GLP2R: variants seen among roughly 807,000 people sequenced by gnomAD.
The protein encoded by GLP2R is glucagon like peptide 2 receptor.
Under a neutral mutation model 68.2 loss-of-function variants are expected in GLP2R, and 59 were observed. The observed-to-expected ratio is 0.87, with a 90% CI of 0.70 to 1.07. The LOEUF (loss-of-function observed/expected upper bound fraction) is 1.07, where lower values mean the gene tolerates loss of function less well. Ranked by LOEUF, GLP2R falls within the 50% of genes least tolerant of loss-of-function variation. GLP2R has a pLI of 0.00. For synonymous variants in GLP2R, 270 were observed against 265.4 expected, an observed-to-expected ratio of 1.02 and a Z score of -0.17; for missense variants, 548 against 677.4, an observed-to-expected ratio of 0.81 and a Z score of 2.12.
rs768836681 is a variant in GLP2R at position 9,889,320 on chromosome 17, A to G, written c.1327-50A>G. ...CAATTAATATTTGCTAAATGGACACATGGCTAAATGACTCCAAGACAGTAA... is the reference window on the plus strand; with the variant it reads ...CAATTAATATTTGCTAAATGGACACGTGGCTAAATGACTCCAAGACAGTAA... On this transcript the variant is annotated intron_variant, in intron 12 of 12. Transcript: ENST00000262441. 4.7e-6 allele frequency: 6 copies of G among 1,290,060 alleles called. No homozygotes were observed. The East Asian group carries it at 1.2e-4, about 25-fold the overall frequency. The allele number at this position is 1,290,060 out of a possible 1,614,324, so 79.9% of individuals were successfully genotyped here.
intron 1 of GLP2R, among the ~76,000 whole-genome samples, chr17:9,829,413 A>G (rs1053797510): frequency 1.3e-5 from 2 of 152,000 alleles, no homozygotes; most frequent in African/African-American, 4.8e-5. Context: ...ATTCAAATTC[A>G]AAGAATTTCT....
rs140091731 is a variant in GLP2R, at chr17:9,837,723, T to C, written c.382+1248T>C. ...GCCCAACCTCTTGGTTATTTTATTC[T>C]GAAAGAGGAGAGAGGTGATTACTGG... On this transcript the variant is annotated intron_variant, in intron 3 of 12. Transcript: ENST00000262441. 5.6e-3 allele frequency among the ~76,000 whole-genome samples: 815 copies of C among 144,424 alleles called. 7 individuals are homozygous for C. Among genetic ancestry groups the C allele is most frequent in the African/African-American group, 0.021 (753 of 35,282 alleles). The allele number at this position is 144,424 out of a possible 152,430, so 94.7% of individuals were successfully genotyped here.
chr17:9,839,138 T>C (rs2066760624), intron 3 of GLP2R, among the ~76,000 whole-genome samples: 1 of 152,110 alleles, frequency 6.6e-6, no homozygotes, highest in Non-Finnish European at 1.5e-5. Flanking sequence ...GCACAAGTTG[T>C]AGTCTGGGAG....
At chr17:9,847,942 G>A (rs1294509037) in intron 4 of GLP2R, among the ~76,000 whole-genome samples, 2 of 152,146 alleles carry the variant, frequency 1.3e-5, no homozygotes, top group African/African-American at 4.8e-5. Flanking sequence ...TTGAGGCCAG[G>A]AGTTTGAGAC....
intron 6 of GLP2R, among the ~76,000 whole-genome samples, chr17:9,858,464 A>G (rs2066954303): frequency 6.6e-6 from 1 of 152,194 alleles, no homozygotes; most frequent in Non-Finnish European, 1.5e-5. Context: ...TGCCTTTGTC[A>G]GGTTGGGGAT....
chr17:9,874,732 A>T (rs548935600), intron 10 of GLP2R, among the ~76,000 whole-genome samples: 2 of 152,192 alleles, frequency 1.3e-5, no homozygotes, highest in Non-Finnish European at 2.9e-5. Context: ...GGGGTAGAGC[A>T]TTCCTTTCTT....
intron 7 of GLP2R, among the ~76,000 whole-genome samples, chr17:9,860,619 A>T (rs935903775): frequency 6.6e-6 from 1 of 152,096 alleles, no homozygotes; most frequent in Non-Finnish European, 1.5e-5. Flanking sequence ...CACCCTCATG[A>T]TCTCAGCTAA....
At position 9,880,383 on chromosome 17, in the gene GLP2R, CA is replaced by C; in HGVS notation, c.1155del (p.Lys385AsnfsTer38). Reference sequence around the variant, plus strand: ...TATTTGGTTGTCATTTACAGATTGGCAAAATCAACACTGGTCCTCATTCCTT... The same window carrying C: ...TATTTGGTTGTCATTTACAGATTGGCAAATCAACACTGGTCCTCATTCCTT... Reference protein sequence around the residue: ...MCFRDYKYRLAKSTLVLIPLL... With the variant: ...MCFRDYKYRLXKSTLVLIPLL... On this transcript the variant is annotated frameshift_variant, in exon 11 of 13. Transcript: ENST00000262441. LOFTEE classifies it high-confidence loss of function. 1.3e-6 allele frequency: 2 copies of C among 1,587,174 alleles called. No homozygotes were observed. Among genetic ancestry groups the C allele is most frequent in the Non-Finnish European group, 8.6e-7 (1 of 1,162,794 alleles).
chr17:9,827,689 A>G (rs2066644750), intron 1 of GLP2R, among the ~76,000 whole-genome samples: 1 of 152,154 alleles, frequency 6.6e-6, no homozygotes, highest in African/African-American at 2.4e-5. Flanking sequence ...CAGACTGGGC[A>G]CGGTAGCTCA....
At chr17:9,849,268 C>T (rs2066870180) in intron 4 of GLP2R, among the ~76,000 whole-genome samples, 1 of 151,978 alleles carries the variant, frequency 6.6e-6, no homozygotes, top group Admixed American at 6.6e-5. Flanking sequence ...TTTGCTTTCT[C>T]TCTGTTTCTT....
At chr17:9,827,488 T>C (rs1192320061) in intron 1 of GLP2R, among the ~76,000 whole-genome samples, 4 of 152,212 alleles carry the variant, frequency 2.6e-5, no homozygotes, top group Non-Finnish European at 5.9e-5. Context: ...TAAGGGTTTA[T>C]TGTAATGTCT....
intron 4 of GLP2R, among the ~76,000 whole-genome samples, chr17:9,852,054 T>G (rs4791891): frequency 0.42 from 63,248 of 149,056 alleles, 15,139 homozygotes; most frequent in African/African-American, 0.66. Flanking sequence ...ATTTGTTTTT[T>G]TTTTTGTTTT....
intron 6 of GLP2R, 87 bp downstream of exon 6, chr17:9,857,663 A>G: frequency 7.6e-7 from 1 of 1,313,744 alleles, no homozygotes; most frequent in East Asian, 2.3e-5. Context: ...GGGACTAGGG[A>G]GGGGCAGCGG....
Position 9,891,669 on chromosome 17 carries a change from G to A in GLP2R, c.*1964G>A, listed in dbSNP as rs1378027034. 6.6e-6 allele frequency: 1 copy of A among 152,190 alleles called. No homozygotes were observed. The highest frequency in any genetic ancestry group is 1.5e-5 in the Non-Finnish European group (1 of 68,034). 9.4% of individuals were successfully genotyped at this position (152,190 alleles called of 1,614,324 possible). On this transcript the variant is annotated 3_prime_UTR_variant, in exon 13 of 13. Coordinates refer to ENST00000262441, the MANE Select transcript of GLP2R (RefSeq NM_004246.3). ...TAGTCCAGCCCTGGTTTTAGGATGG[G>A]GATGGAGGCAAAGGCATCAGGCAAG...
intron 10 of GLP2R, among the ~76,000 whole-genome samples, chr17:9,878,997 C>T (rs544219750): frequency 2.6e-5 from 4 of 152,096 alleles, no homozygotes; most frequent in South Asian, 4.1e-4. Flanking sequence ...TAGCTTTGTT[C>T]GTACCCCGAA....
chr17:9,831,317 G>A (rs1181883333), intron 1 of GLP2R, among the ~76,000 whole-genome samples: 1 of 152,294 alleles, frequency 6.6e-6, no homozygotes, highest in African/African-American at 2.4e-5. Context: ...TGGAAATGAA[G>A]GACAGCAAGA....
chr17:9,853,995 G>T (rs969975045), intron 4 of GLP2R, among the ~76,000 whole-genome samples: 36 of 152,274 alleles, frequency 2.4e-4, no homozygotes, highest in African/African-American at 8.7e-4. Context: ...TTCACAATCA[G>T]GCGACCTGGG....
intron 10 of GLP2R, among the ~76,000 whole-genome samples, chr17:9,874,780 A>G (rs1023830860): frequency 6.6e-6 from 1 of 152,178 alleles, no homozygotes; most frequent in Non-Finnish European, 1.5e-5. Flanking sequence ...AATCCGCAAC[A>G]CCAGAAGATC....
intron 7 of GLP2R, among the ~76,000 whole-genome samples, chr17:9,860,408 AC>A (rs1342678382): frequency 6.6e-6 from 1 of 152,002 alleles, no homozygotes; most frequent in African/African-American, 2.4e-5. Flanking sequence ...AAAACAAAAT[AC>A]CTGTGTAGTT....
Sources: gnomAD v4.1 joint callset for allele counts (sites outside exome capture counted in the v4.1 genomes callset) on GRCh38, gnomAD v4.1.1 for gene constraint, MANE v1.5 for transcripts, NCBI Gene and HGNC (gene_info 2026-07-23, HGNC 2026-07-21) for gene names.